IQCK: variants seen among roughly 807,000 people sequenced by gnomAD.
IQCK encodes IQ motif containing K.
A neutral mutation model predicts 28.1 loss-of-function variants in IQCK; 29 were observed. The ratio of observed to expected loss-of-function variants is 1.03; its 90% CI spans 0.77 to 1.41. The LOEUF (loss-of-function observed/expected upper bound fraction) is 1.41, where lower values mean the gene tolerates loss of function less well. Ranked by LOEUF, IQCK falls within the 40% of genes most tolerant of loss-of-function variation. The probability of loss-of-function intolerance (pLI) is 0.00; values close to 1 mark genes in which losing one functional copy is unlikely to be tolerated. For missense variants in IQCK, 359 were observed against 314.7 expected (o/e 1.14, Z -1.07); for synonymous variants, 113 against 115.1 (o/e 0.98, Z 0.12).
chr16:19,729,769 C>T (rs1319794251), intron 1 of IQCK, among the ~76,000 whole-genome samples: 7 of 151,378 alleles, frequency 4.6e-5, no homozygotes, highest in South Asian at 2.1e-4. Context: ...CTCAGCTTCC[C>T]GAGTAGCTGG....
intron 4 of IQCK, among the ~76,000 whole-genome samples, chr16:19,744,236 G>T (rs1464610459): frequency 6.6e-6 from 1 of 152,086 alleles, no homozygotes; most frequent in Non-Finnish European, 1.5e-5. Flanking sequence ...TTCCTGCTTA[G>T]ATTATTTTTT....
intron 6 of IQCK, among the ~76,000 whole-genome samples, chr16:19,773,634 G>A (rs1196978679): frequency 6.6e-6 from 1 of 152,148 alleles, no homozygotes; most frequent in African/African-American, 2.4e-5. Flanking sequence ...AGCCATAGAT[G>A]TACCATATAT....
At position 19,847,568 on chromosome 16, in the gene IQCK, A is replaced by G. The variant is rs944570677; in HGVS notation, c.803-8919A>G. On this transcript the variant is annotated intron_variant, in intron 9 of 9. Transcript: ENST00000320394. ...TGCTTCTTCTCTGCCTAACTGGAAAACACAGAATGAACTCCTTTGTGTCTG... is the reference window on the plus strand; with the variant it reads ...TGCTTCTTCTCTGCCTAACTGGAAAGCACAGAATGAACTCCTTTGTGTCTG... Among the ~76,000 whole-genome samples the G allele has an allele frequency of 2.0e-5, 3 of 152,214 alleles. No individual in the cohort carries two copies. The South Asian group carries it at 6.2e-4, about 32-fold the overall frequency.
chr16:19,757,626 T>C (rs749974818), intron 4 of IQCK, among the ~76,000 whole-genome samples: 1 of 152,110 alleles, frequency 6.6e-6, no homozygotes, highest in Non-Finnish European at 1.5e-5. Context: ...GTGGAGATCG[T>C]GCCACTGCAC....
rs550383354 is a variant in IQCK at position 19,857,635 on chromosome 16, A to G, written c.*1087A>G. 5.8e-4 allele frequency: 165 copies of G among 286,384 alleles called. 1 individual carries two copies. The highest frequency in any genetic ancestry group is 9.8e-4 in the Non-Finnish European group (148 of 151,754). The allele number at this position is 286,384 out of a possible 1,614,324, so 17.7% of individuals were successfully genotyped here. A position where few individuals can be genotyped will look rare whatever the true frequency, so the allele number is the denominator to read the frequency against. ...GCATCATTGGATTATAAAAGCCACA[A>G]TGCTCCCTTTCAACTTGGGGTTTGG... On this transcript the variant is annotated 3_prime_UTR_variant, in exon 10 of 10. Coordinates refer to the IQCK transcript ENST00000320394.
chr16:19,781,568 A>C (rs2055484961), intron 6 of IQCK, among the ~76,000 whole-genome samples: 1 of 152,246 alleles, frequency 6.6e-6, no homozygotes, highest in South Asian at 2.1e-4. Flanking sequence ...GTATGTTCAC[A>C]GAAGGCTGGA....
chr16:19,718,360 C>T (rs777953549), exon 1 of IQCK: 46 of 1,609,834 alleles, frequency 2.9e-5, no homozygotes, highest in Non-Finnish European at 3.7e-5. Flanking sequence ...AGCCCAGCTG[C>T]TCTACAGACT....
intron 9 of IQCK, among the ~76,000 whole-genome samples, chr16:19,838,271 G>A (rs183465621): frequency 2.0e-5 from 3 of 151,948 alleles, no homozygotes; most frequent in Admixed American, 6.6e-5. Flanking sequence ...TGGGATCACT[G>A]GGGGAGGCAG....
At chr16:19,806,616 G>A (rs2055837985) in intron 7 of IQCK, among the ~76,000 whole-genome samples, 1 of 151,998 alleles carries the variant, frequency 6.6e-6, no homozygotes, top group Non-Finnish European at 1.5e-5. Context: ...TTGAGCCCGG[G>A]AGGCAGAGCT....
chr16:19,726,020 A>G (rs140826445), intron 1 of IQCK, among the ~76,000 whole-genome samples: 138 of 150,864 alleles, frequency 9.1e-4, no homozygotes, highest in African/African-American at 3.3e-3. Flanking sequence ...AGTTCACACC[A>G]TTATCCTGCC....
chr16:19,801,262 C>G (rs1340287358), intron 7 of IQCK, among the ~76,000 whole-genome samples: 2 of 118,920 alleles, frequency 1.7e-5, no homozygotes, highest in Non-Finnish European at 3.1e-5. Context: ...TATAGACCTC[C>G]TATTACAAGT....
intron 4 of IQCK, among the ~76,000 whole-genome samples, chr16:19,751,703 A>G (rs1052557399): frequency 3.5e-4 from 53 of 151,688 alleles, no homozygotes; most frequent in African/African-American, 1.3e-3. Context: ...TGCCTTCTCC[A>G]AGCAGAGAGC....
intron 4 of IQCK, among the ~76,000 whole-genome samples, chr16:19,762,835 A>G (rs1223538325): frequency 1.3e-5 from 2 of 152,030 alleles, no homozygotes; most frequent in African/African-American, 2.4e-5. Context: ...GGGCAACATG[A>G]TGCAACCCCA....
chr16:19,721,876 C>G (rs1367722593), intron 1 of IQCK, among the ~76,000 whole-genome samples: 9 of 152,188 alleles, frequency 5.9e-5, no homozygotes, highest in Non-Finnish European at 1.2e-4. Flanking sequence ...CCGCGCCTGG[C>G]CTTACAGTTT....
intron 4 of IQCK, among the ~76,000 whole-genome samples, chr16:19,750,855 T>C (rs1031299060): frequency 6.6e-6 from 1 of 152,010 alleles, no homozygotes; most frequent in African/African-American, 2.4e-5. Context: ...CAAAATTAAA[T>C]TGGAAAAAGT....
intron 7 of IQCK, among the ~76,000 whole-genome samples, chr16:19,820,520 G>A (rs916921918): frequency 2.0e-5 from 3 of 152,020 alleles, no homozygotes; most frequent in Non-Finnish European, 4.4e-5. Context: ...GCAGGGGCGG[G>A]CGCCTGTAGT....
intron 1 of IQCK, among the ~76,000 whole-genome samples, chr16:19,722,711 CTT>C (rs58389026): frequency 8.3e-5 from 12 of 144,674 alleles, no homozygotes; most frequent in East Asian, 6.1e-4. Context: ...CCCAGTCCAG[CTT>C]TTTTTTTTTT....
At chr16:19,743,878 CA>C (rs1295089573) in intron 4 of IQCK, among the ~76,000 whole-genome samples, 4 of 152,188 alleles carry the variant, frequency 2.6e-5, no homozygotes, top group Non-Finnish European at 5.9e-5. Context: ...CAAGGAAGAC[CA>C]GGGGGAACAG....
chr16:19,786,728 GA>G (rs1473026254), intron 6 of IQCK, among the ~76,000 whole-genome samples: 2 of 137,942 alleles, frequency 1.4e-5, no homozygotes, highest in Non-Finnish European at 3.0e-5. Context: ...AAGAGAGGAA[GA>G]AGGGAAAGAA....
Sources: gnomAD v4.1 joint callset for allele counts (sites outside exome capture counted in the v4.1 genomes callset) on GRCh38, gnomAD v4.1.1 for gene constraint, MANE v1.5 for transcripts, NCBI Gene and HGNC (gene_info 2026-07-23, HGNC 2026-07-21) for gene names.